NHS: variants seen among roughly 807,000 people sequenced by gnomAD.
The protein encoded by NHS is actin remodeling regulator NHS.
A neutral mutation model predicts 72.5 loss-of-function variants in NHS; 5 were observed. That is an observed-to-expected ratio of 0.07 (90% CI 0.04 to 0.14). The LOEUF is 0.14. NHS is among the 10% of genes least tolerant of loss of function. NHS has a pLI of 1.00. For synonymous variants in NHS, 464 were observed against 547.7 expected, an observed-to-expected ratio of 0.85 and a Z score of 2.13; for missense variants, 1,072 against 1,355.7, an observed-to-expected ratio of 0.79 and a Z score of 3.29.
At chrX:17,658,961 C>T (rs1204780657) in intron 1 of NHS, among the ~76,000 whole-genome samples, 2 of 112,422 alleles carry the variant, frequency 1.8e-5, no homozygotes, top group Admixed American at 1.9e-4. Context: ...CAGGGTTTAA[C>T]ACAATAGCAG....
intron 1 of NHS, among the ~76,000 whole-genome samples, chrX:17,430,230 TTCCC>T (rs1231882705): frequency 1.7e-3 from 132 of 76,964 alleles, no homozygotes; most frequent in Non-Finnish European, 2.2e-3. Context: ...CCTTCCTTCC[TTCCC>T]TCCCTCCCTC....
In NHS at chrX:17,732,049, A is replaced by G. The variant is rs1868519128; in HGVS notation, c.4541A>G (p.Asn1514Ser). The G allele has an allele frequency of 8.3e-7, 1 of 1,211,130 alleles. No homozygotes were observed. Among genetic ancestry groups the G allele is most frequent in the African/African-American group, 1.7e-5 (1 of 57,557 alleles). ...YRNAKKSNTS[N>S]EEFKLLLLKK... ...AATGCCAAAAAGTCCAACACATCCAATGAAGAGTTTAAGCTGTTACTGCTC... is the reference window on the plus strand; with the variant it reads ...AATGCCAAAAAGTCCAACACATCCAGTGAAGAGTTTAAGCTGTTACTGCTC... The change falls in exon 9 of 9, where the codon AAT (asparagine) becomes AGT (serine). Residue 1514 changes from asparagine (N) to serine (S), a missense_variant. Coordinates refer to ENST00000676302, the MANE Select transcript of NHS (RefSeq NM_001291867.2).
chrX:17,375,496 C>A lies in NHS; in HGVS notation c.-262C>A. The A allele has an allele frequency of 2.4e-6, 1 of 421,316 alleles. No individual in the cohort carries two copies. The highest frequency in any genetic ancestry group is 3.8e-5 in the South Asian group (1 of 26,198). The allele number at this position is 421,316 out of a possible 1,213,427, so 34.7% of individuals were successfully genotyped here. A position where few individuals can be genotyped will look rare whatever the true frequency, so the allele number is the denominator to read the frequency against. ...TGGAAGCAAGTGAGAAGAGACCAGG[C>A]GCACCCCTAAATTTCTGTGCGGAGC... On this transcript the variant is annotated 5_prime_UTR_variant, in exon 1 of 9. Coordinates refer to ENST00000676302, the MANE Select transcript of NHS (RefSeq NM_001291867.2).
intron 1 of NHS, among the ~76,000 whole-genome samples, chrX:17,666,905 C>T (rs1244997038): frequency 8.9e-6 from 1 of 112,272 alleles, no homozygotes; most frequent in Non-Finnish European, 1.9e-5. Flanking sequence ...TCACTTCTGC[C>T]TACATCTCCT....
chrX:17,396,489 T>C (rs1348906602), intron 1 of NHS, among the ~76,000 whole-genome samples: 1 of 111,791 alleles, frequency 8.9e-6, no homozygotes, highest in Non-Finnish European at 1.9e-5. Context: ...TTTGAAAAAC[T>C]GCTCTCAAAT....
intron 1 of NHS, among the ~76,000 whole-genome samples, chrX:17,384,338 G>T (rs1021495667): frequency 1.8e-5 from 2 of 112,414 alleles, no homozygotes; most frequent in Non-Finnish European, 3.8e-5. Context: ...ATTGAAAGCT[G>T]CTTTGAAACC....
chrX:17,672,592 A>G (rs1227342764), intron 1 of NHS, among the ~76,000 whole-genome samples: 1 of 112,148 alleles, frequency 8.9e-6, no homozygotes. Flanking sequence ...GTGGACAGGG[A>G]CCCTCACTCC....
chrX:17,640,973 CA>C (rs2065877854), intron 1 of NHS, among the ~76,000 whole-genome samples: 1 of 112,204 alleles, frequency 8.9e-6, no homozygotes, highest in Non-Finnish European at 1.9e-5. Flanking sequence ...AGAAAGCAAG[CA>C]AAATAACCAC....
chrX:17,378,845 G>T (rs777330093), intron 1 of NHS, among the ~76,000 whole-genome samples: 5 of 111,763 alleles, frequency 4.5e-5, no homozygotes, highest in Non-Finnish European at 7.5e-5. Flanking sequence ...TGGCTTCTGG[G>T]TCTTGCCCCA....
At chrX:17,481,430 A>G (rs1569263793) in intron 1 of NHS, among the ~76,000 whole-genome samples, 1 of 110,465 alleles carries the variant, frequency 9.1e-6, no homozygotes, top group Non-Finnish European at 1.9e-5. Context: ...GAAGTAATCT[A>G]TTTTTTTTCC....
chrX:17,590,725 T>G (rs1482364763), intron 1 of NHS, among the ~76,000 whole-genome samples: 1 of 111,264 alleles, frequency 9.0e-6, no homozygotes, highest in African/African-American at 3.3e-5. Context: ...ACTTATAAAA[T>G]TAAGAGAAAA....
intron 1 of NHS, among the ~76,000 whole-genome samples, chrX:17,470,709 A>C (rs1311929543): frequency 1.8e-5 from 2 of 110,491 alleles, no homozygotes; most frequent in African/African-American, 6.6e-5. Flanking sequence ...CTCTTTTCTC[A>C]AATATTCTCA....
chrX:17,688,787 T>C (rs1416174138), intron 2 of NHS, among the ~76,000 whole-genome samples: 4 of 112,299 alleles, frequency 3.6e-5, no homozygotes, highest in African/African-American at 1.3e-4. Context: ...GATAGGCTCA[T>C]AGCAGTCAAA....
chrX:17,422,308 A>G (rs2064627983), intron 1 of NHS, among the ~76,000 whole-genome samples: 1 of 112,121 alleles, frequency 8.9e-6, no homozygotes, highest in African/African-American at 3.2e-5. Flanking sequence ...TTAGGTTCTA[A>G]AAAAGTGGAA....
chrX:17,389,627 A>C (rs983937191), intron 1 of NHS, among the ~76,000 whole-genome samples: 1 of 97,068 alleles, frequency 1.0e-5, no homozygotes, highest in Admixed American at 1.0e-4. Context: ...TTTGAGACAG[A>C]GTCTCGCCCT....
Position 17,440,075 on chromosome X carries a change from C to T in NHS, c.565+63753C>T, listed in dbSNP as rs780482592. Among the ~76,000 whole-genome samples the T allele has an allele frequency of 8.9e-4, 97 of 109,160 alleles. 1 individual carries two copies. The highest frequency in any genetic ancestry group is 1.4e-3 in the Admixed American group (14 of 10,226). 94.8% of individuals were successfully genotyped at this position (109,160 alleles called of 115,157 possible). A position where few individuals can be genotyped will look rare whatever the true frequency, so the allele number is the denominator to read the frequency against. ...AGGAGTTCGAGACCAGCCTGGCCAA[C>T]GTGGTGAAACCCCCGTCTCTACTAA... On this transcript the variant is annotated intron_variant, in intron 1 of 8. Coordinates refer to ENST00000676302, the MANE Select transcript of NHS (RefSeq NM_001291867.2).
chrX:17,493,432 C>G (rs891640842), intron 1 of NHS, among the ~76,000 whole-genome samples: 1 of 111,989 alleles, frequency 8.9e-6, no homozygotes, highest in Non-Finnish European at 1.9e-5. Flanking sequence ...GTTATTTATT[C>G]ATTTCCACAT....
chrX:17,631,738 T>C (rs1489395744), intron 1 of NHS, among the ~76,000 whole-genome samples: 2 of 112,214 alleles, frequency 1.8e-5, no homozygotes, highest in Non-Finnish European at 3.8e-5. Flanking sequence ...CCCCAGCAAC[T>C]GTTTGAGGTA....
intron 1 of NHS, among the ~76,000 whole-genome samples, chrX:17,655,126 G>T (rs1483397412): frequency 8.9e-6 from 1 of 112,155 alleles, no homozygotes; most frequent in Non-Finnish European, 1.9e-5. Flanking sequence ...CTCTAGTCCT[G>T]TTATATGCGG....
Sources: allele counts gnomAD v4.1 joint callset (sites outside exome capture counted in the v4.1 genomes callset), GRCh38; gene constraint gnomAD v4.1.1; transcripts MANE v1.5; gene names NCBI Gene and HGNC (gene_info 2026-07-23, HGNC 2026-07-21).